The following AP3D1 variants were observed in gnomAD, a reference collection of about 807,000 sequenced individuals.
AP3D1 encodes the protein adaptor related protein complex 3 subunit delta 1.
A neutral mutation model predicts 147.6 loss-of-function variants in AP3D1; 51 were observed. The ratio of observed to expected loss-of-function variants is 0.35; its 90% CI spans 0.28 to 0.44. The LOEUF is 0.44. AP3D1 is among the 20% of genes least tolerant of loss of function. The pLI, the probability that AP3D1 is intolerant of heterozygous loss-of-function variation, is 1.00. For synonymous variants in AP3D1, 760 were observed against 663.0 expected, an observed-to-expected ratio of 1.15 and a Z score of -2.25; for missense variants, 1,421 against 1,624.2, an observed-to-expected ratio of 0.87 and a Z score of 2.15.
chr19:2,138,524 T>C lies in AP3D1; in HGVS notation c.192+95A>G, dbSNP rs970752325. The C allele has an allele frequency of 1.0e-5, 10 of 973,728 alleles. No individual in the cohort carries two copies. The Admixed American group carries it at 1.6e-4, about 15-fold the overall frequency. 60.3% of individuals were successfully genotyped at this position (973,728 alleles called of 1,614,324 possible). ...ACCGACAGCAGGTGGTACCAATGAC[T>C]GACAGGTGGACAGACAGGCTGATGA... is the stretch of plus-strand genomic sequence containing the variant. On this transcript the variant is annotated intron_variant, in intron 2 of 31. Transcript: ENST00000643116.
intron 8 of AP3D1, among the ~76,000 whole-genome samples, chr19:2,128,041 T>C (rs1008392260): frequency 3.9e-5 from 6 of 152,326 alleles, no homozygotes; most frequent in African/African-American, 1.4e-4. Flanking sequence ...CTTCTGTGAA[T>C]GTGTCCTTGT....
At chr19:2,164,043 GC>G (rs1272677328) in intron 1 of AP3D1, 1 of 423,750 alleles carries the variant, frequency 2.4e-6, no homozygotes, top group Non-Finnish European at 3.3e-6. Context: ...GGCGGCGGCG[GC>G]GGCGGCGGCC....
chr19:2,121,660 G>T, intron 12 of AP3D1, 74 bp downstream of exon 12: 1 of 1,510,444 alleles, frequency 6.6e-7, no homozygotes, highest in Non-Finnish European at 8.8e-7. Context: ...ATTCCACGTG[G>T]CTCTGCACCT....
rs1167429083 is a variant in AP3D1 at position 2,116,231 on chromosome 19, G to A, written c.2049C>T (p.Ile683=). The change falls in exon 18 of 32, where the codon ATC becomes ATT. Residue 683 remains isoleucine, a synonymous_variant. Coordinates refer to ENST00000643116, the MANE Select transcript of AP3D1 (RefSeq NM_001261826.3). ...KQEQANNPFY[I]KSSPSPQKRY... is the part of the protein sequence containing the mutation. Reference sequence around the variant, plus strand: ...CCTTCTGTGGCGATGGCGAGCTCTTGATGTAGAAGGGGTTGTTGGCCTGCT... The same window carrying A: ...CCTTCTGTGGCGATGGCGAGCTCTTAATGTAGAAGGGGTTGTTGGCCTGCT... The A allele has an allele frequency of 1.9e-6, 3 of 1,614,170 alleles. No homozygotes were observed.
At position 2,113,322 on chromosome 19, in the gene AP3D1, T is replaced by A; in HGVS notation, c.2679+14A>T. Reference sequence around the variant, plus strand: ...GACACCGAGGCTGGCACTGGCCAGCTGCCAGTCTCTTACCGTGGATGGAAC... The same window carrying A: ...GACACCGAGGCTGGCACTGGCCAGCAGCCAGTCTCTTACCGTGGATGGAAC... On this transcript the variant is annotated intron_variant, in intron 23 of 31. Coordinates refer to ENST00000643116, the MANE Select transcript of AP3D1 (RefSeq NM_001261826.3). 1 of 1,083,746 alleles carries A rather than the reference T, an allele frequency of 9.2e-7. No homozygotes were observed. The allele number at this position is 1,083,746 out of a possible 1,614,324, so 67.1% of individuals were successfully genotyped here.
chr19:2,126,352 T>C (rs1285370657), intron 9 of AP3D1, among the ~76,000 whole-genome samples: 2 of 151,542 alleles, frequency 1.3e-5, no homozygotes, highest in Non-Finnish European at 2.9e-5. Context: ...ATTCTGACTC[T>C]GCCTTAGAAA....
chr19:2,103,951 G>A (rs1279833935), intron 31 of AP3D1, among the ~76,000 whole-genome samples: 3 of 151,610 alleles, frequency 2.0e-5, no homozygotes, highest in Non-Finnish European at 2.9e-5. Flanking sequence ...AGGCACCAAT[G>A]CCAAGGCCAT....
chr19:2,121,683 C>T (rs748885715), intron 12 of AP3D1, 51 bp downstream of exon 12: 5 of 1,532,466 alleles, frequency 3.3e-6, no homozygotes, highest in Admixed American at 2.1e-5. Context: ...CACTTAATGT[C>T]CCTTAGAGAA....
intron 1 of AP3D1, among the ~76,000 whole-genome samples, chr19:2,160,788 T>C (rs1040409444): frequency 6.6e-6 from 1 of 152,136 alleles, no homozygotes; most frequent in South Asian, 2.1e-4. Context: ...ACCACGGACA[T>C]CAGGGCCAGA....
chr19:2,163,631 G>A (rs2019786020), intron 1 of AP3D1, among the ~76,000 whole-genome samples: 1 of 152,104 alleles, frequency 6.6e-6, no homozygotes, highest in Admixed American at 6.5e-5. Flanking sequence ...GTGGGGAGGT[G>A]TCCGGCGTCC....
At chr19:2,127,322 G>A (rs899856364) in intron 8 of AP3D1, 121 bp from the exon 9 acceptor site, 2 of 1,070,326 alleles carry the variant, frequency 1.9e-6, no homozygotes, top group African/African-American at 1.6e-5. Context: ...GTGTGCCCCA[G>A]GAGGGAGCCC....
chr19:2,124,571 G>A (rs1183887035), intron 9 of AP3D1, among the ~76,000 whole-genome samples: 1 of 152,190 alleles, frequency 6.6e-6, no homozygotes, highest in African/African-American at 2.4e-5. Context: ...GAGACCGTGT[G>A]TGCGTGTGCG....
chr19:2,121,126 C>A (rs376698092), intron 13 of AP3D1, 34 bp from the exon 14 acceptor site: 3 of 1,613,492 alleles, frequency 1.9e-6, no homozygotes, highest in Non-Finnish European at 2.5e-6. Context: ...AGCGGCGCCA[C>A]GGAACCCCCG....
chr19:2,147,706 CA>C (rs2019397328), intron 1 of AP3D1, among the ~76,000 whole-genome samples: 1 of 147,288 alleles, frequency 6.8e-6, no homozygotes, highest in Admixed American at 6.8e-5. Flanking sequence ...CCATACTGGC[CA>C]ACATGGGGAA....
At chr19:2,112,614 C>G (rs551783301) in intron 24 of AP3D1, 4 of 416,662 alleles carry the variant, frequency 9.6e-6, no homozygotes, top group African/African-American at 6.2e-5. Flanking sequence ...TGTGAATATA[C>G]AGAAAACCAC....
At chr19:2,123,428 T>C (rs746228838) in intron 10 of AP3D1, 22 bp from the exon 11 acceptor site, 12 of 1,613,498 alleles carry the variant, frequency 7.4e-6, no homozygotes, top group Non-Finnish European at 1.0e-5. Flanking sequence ...AAAAAAACGA[T>C]GCTGGTTACA....
rs1378714733 is a variant in AP3D1, at chr19:2,109,007, G to T, written c.3472+79C>A. On this transcript the variant is annotated intron_variant, in intron 30 of 31. Transcript: ENST00000643116. ...TGTGAGTTTGGGTGGGAGGGCCACA[G>T]GCCCGGCTCCAATAGGAAGGGACAG... 4.4e-6 allele frequency: 7 copies of T among 1,581,800 alleles called. No individual in the cohort carries two copies. The Admixed American group carries it at 1.4e-4, about 31-fold the overall frequency.
chr19:2,111,009 G>A (rs1599443641), intron 26 of AP3D1, 113 bp from the exon 27 acceptor site: 4 of 1,227,020 alleles, frequency 3.3e-6, no homozygotes, highest in Non-Finnish European at 4.5e-6. Context: ...GGCACAGGAA[G>A]GCACGGAGAG....
chr19:2,128,130 C>T (rs1003227452), intron 8 of AP3D1, among the ~76,000 whole-genome samples: 1 of 152,180 alleles, frequency 6.6e-6, no homozygotes, highest in Non-Finnish European at 1.5e-5. Flanking sequence ...CCCTTCCCTG[C>T]AGTGGGGGCC....
Sources: allele counts gnomAD v4.1 joint callset (sites outside exome capture counted in the v4.1 genomes callset), GRCh38; gene constraint gnomAD v4.1.1; transcripts MANE v1.5; gene names NCBI Gene and HGNC (gene_info 2026-07-23, HGNC 2026-07-21).